Variants in VEGFC observed in about 807,000 individuals in gnomAD.
VEGFC encodes vascular endothelial growth factor C.
In VEGFC, 12 loss-of-function variants were observed where a neutral mutation model predicts 46.1. The ratio of observed to expected loss-of-function variants is 0.26; its 90% confidence interval spans 0.17 to 0.42. The LOEUF is 0.42. Ranked by LOEUF, VEGFC falls within the 10% of genes least tolerant of loss-of-function variation. VEGFC has a pLI of 1.00. For synonymous variants in VEGFC, 232 were observed against 195.5 expected (o/e 1.19, Z -1.56); for missense variants, 488 against 529.4 (o/e 0.92, Z 0.77).
At chr4:176,781,766 C>T (rs757578055) in intron 1 of VEGFC, among the ~76,000 whole-genome samples, 2 of 152,226 alleles carry the variant, frequency 1.3e-5, no homozygotes, top group Non-Finnish European at 2.9e-5. Context: ...ACTGTTTTCA[C>T]TATTGTTCAC....
At chr4:176,700,075 G>A (rs939744462) in intron 4 of VEGFC, among the ~76,000 whole-genome samples, 4 of 152,276 alleles carry the variant, frequency 2.6e-5, no homozygotes, top group Admixed American at 2.0e-4. Context: ...TAACAATTTT[G>A]CCAGTCTTAA....
chr4:176,764,383 G>T (rs1024754673), intron 1 of VEGFC, among the ~76,000 whole-genome samples: 2 of 152,164 alleles, frequency 1.3e-5, no homozygotes, highest in African/African-American at 4.8e-5. Context: ...GATTTGAGGG[G>T]CTAAGATCAC....
chr4:176,753,336 T>C (rs971099101), intron 1 of VEGFC, among the ~76,000 whole-genome samples: 6 of 152,160 alleles, frequency 3.9e-5, no homozygotes, highest in South Asian at 2.1e-4. Flanking sequence ...CTGCACCTTA[T>C]GGAATTGATT....
chr4:176,768,061 T>C (rs1735660403), intron 1 of VEGFC, among the ~76,000 whole-genome samples: 1 of 152,196 alleles, frequency 6.6e-6, no homozygotes, highest in Non-Finnish European at 1.5e-5. Context: ...GAGCAATTTG[T>C]TGCCACTGAC....
In VEGFC at chr4:176,687,343, G is replaced by A. The variant is rs2110963014; in HGVS notation, c.989C>T (p.Ala330Val). The A allele has an allele frequency of 6.2e-7, 1 of 1,614,060 alleles. No homozygotes were observed. The stretch of plus-strand genomic sequence containing the variant: ...TGTGTTTTCATCAAATTCTCGGTTG[G>A]CCCCACATTGGCTGGGGAAGAGTTT... ...KNKLFPSQCG[A>V]NREFDENTCQ... Residue 330 changes from alanine (A) to valine (V), a missense_variant, in exon 6 of 7, where the codon GCC becomes GTC. Ala to Val is a moderately conservative substitution (Grantham distance 64). Coordinates refer to ENST00000618562, the MANE Select transcript of VEGFC (RefSeq NM_005429.5).
intron 4 of VEGFC, among the ~76,000 whole-genome samples, chr4:176,707,746 C>T (rs1364485086): frequency 2.6e-5 from 4 of 151,962 alleles, no homozygotes; most frequent in African/African-American, 4.8e-5. Flanking sequence ...GGAACACACC[C>T]CAAGTGTTTG....
At chr4:176,771,894 C>G (rs1262764533) in intron 1 of VEGFC, among the ~76,000 whole-genome samples, 1 of 152,128 alleles carries the variant, frequency 6.6e-6, no homozygotes, top group African/African-American at 2.4e-5. Context: ...TCAGAGGAGC[C>G]TGTGATCTGA....
intron 1 of VEGFC, among the ~76,000 whole-genome samples, chr4:176,752,060 A>G (rs1735351270): frequency 6.6e-6 from 1 of 152,064 alleles, no homozygotes; most frequent in Non-Finnish European, 1.5e-5. Context: ...TGAAAAATTC[A>G]GTATACAAGT....
intron 1 of VEGFC, among the ~76,000 whole-genome samples, chr4:176,748,498 A>G (rs1014146053): frequency 6.6e-6 from 1 of 152,046 alleles, no homozygotes; most frequent in African/African-American, 2.4e-5. Flanking sequence ...GTACGTATAC[A>G]GCATAAATAT....
rs563236724 is a variant in VEGFC at position 176,746,548 on chromosome 4, A to G, written c.148-16802T>C. On this transcript the variant is annotated intron_variant, in intron 1 of 6. Transcript: ENST00000618562. The stretch of plus-strand genomic sequence containing the variant: ...CACCAGTTTCCATTATTTGCTGAAT[A>G]ATAATATACTTTTAAAAACCTCTTC... Among the ~76,000 whole-genome samples, 7 of 152,216 alleles carry G rather than the reference A, an allele frequency of 4.6e-5. No homozygotes were observed. The East Asian group carries it at 1.4e-3, about 30-fold the overall frequency.
intron 4 of VEGFC, among the ~76,000 whole-genome samples, chr4:176,693,723 G>A (rs867439854): frequency 1.4e-5 from 2 of 139,040 alleles, no homozygotes; most frequent in African/African-American, 6.6e-5. Context: ...AGGGCAGCCA[G>A]AGAGAAAGGT....
chr4:176,702,105 G>A (rs1734444183), intron 4 of VEGFC, among the ~76,000 whole-genome samples: 1 of 152,076 alleles, frequency 6.6e-6, no homozygotes, highest in Non-Finnish European at 1.5e-5. Flanking sequence ...GAGACCTCAA[G>A]TTCCAAATCA....
chr4:176,782,749 T>C (rs1013129461), intron 1 of VEGFC, among the ~76,000 whole-genome samples: 3 of 152,192 alleles, frequency 2.0e-5, no homozygotes, highest in Admixed American at 2.0e-4. Context: ...ATTTTTAATG[T>C]ACTTACATAC....
At chr4:176,699,898 G>A (rs1202886974) in intron 4 of VEGFC, among the ~76,000 whole-genome samples, 1 of 152,148 alleles carries the variant, frequency 6.6e-6, no homozygotes, top group Non-Finnish European at 1.5e-5. Context: ...CTGTTGTACT[G>A]ATTTTTATTG....
chr4:176,751,402 A>G (rs1289836405), intron 1 of VEGFC, among the ~76,000 whole-genome samples: 1 of 152,036 alleles, frequency 6.6e-6, no homozygotes, highest in Non-Finnish European at 1.5e-5. Context: ...TTTCAACCAC[A>G]TAATTGACAA....
rs375591334 is a variant in VEGFC, at chr4:176,771,309, G to T, written c.147+20856C>A. Among the ~76,000 whole-genome samples, 5 of 152,208 alleles carry T rather than the reference G, an allele frequency of 3.3e-5. No homozygotes were observed. In the East Asian group the frequency reaches 9.7e-4, roughly 29 times the overall value. ...GATGATCTATGGAAACTGACCAACG[G>T]AAAATATCTAAAGTTCAAATGCCCT... On this transcript the variant is annotated intron_variant, in intron 1 of 6. Transcript: ENST00000618562.
At chr4:176,753,776 A>G (rs1735388594) in intron 1 of VEGFC, among the ~76,000 whole-genome samples, 1 of 152,102 alleles carries the variant, frequency 6.6e-6, no homozygotes, top group Non-Finnish European at 1.5e-5. Flanking sequence ...GTTATGACTT[A>G]CTCATCATAA....
chr4:176,734,677 T>C (rs1234783687), intron 1 of VEGFC, among the ~76,000 whole-genome samples: 1 of 151,662 alleles, frequency 6.6e-6, no homozygotes, highest in Non-Finnish European at 1.5e-5. Context: ...TAGCAAAAAC[T>C]AAGTGGCAGA....
At chr4:176,709,823 A>C (rs1161035773) in intron 4 of VEGFC, among the ~76,000 whole-genome samples, 1 of 152,190 alleles carries the variant, frequency 6.6e-6, no homozygotes, top group East Asian at 1.9e-4. Flanking sequence ...GACATTATAC[A>C]ACAGGAGAAA....
Sources: gnomAD v4.1 joint callset for allele counts (sites outside exome capture counted in the v4.1 genomes callset) on GRCh38, gnomAD v4.1.1 for gene constraint, MANE v1.5 for transcripts, NCBI Gene and HGNC (gene_info 2026-07-23, HGNC 2026-07-21) for gene names.